The following AGFG1 variants were observed in gnomAD, a reference collection of about 807,000 sequenced individuals.
AGFG1 encodes the protein arf-GAP domain and FG repeat-containing protein 1.
A neutral mutation model predicts 60.6 loss-of-function variants in AGFG1; 10 were observed. The ratio of observed to expected loss-of-function variants is 0.16; its 90% CI spans 0.10 to 0.28. The LOEUF is 0.28. AGFG1 is among the 10% of genes least tolerant of loss of function. The pLI, the probability that AGFG1 is intolerant of heterozygous loss-of-function variation, is 1.00. For missense variants in AGFG1, 537 were observed against 676.5 expected (o/e 0.79, Z 2.29); for synonymous variants, 247 against 242.9 (o/e 1.02, Z -0.16).
At chr2:227,543,028 C>T (rs933956261) in intron 10 of AGFG1, among the ~76,000 whole-genome samples, 1 of 151,988 alleles carries the variant, frequency 6.6e-6, no homozygotes, top group African/African-American at 2.4e-5. Context: ...TTTATTGCAT[C>T]TATTTGATTC....
intron 4 of AGFG1, among the ~76,000 whole-genome samples, chr2:227,524,335 A>G (rs1451107363): frequency 6.6e-6 from 1 of 151,060 alleles, no homozygotes; most frequent in Non-Finnish European, 1.5e-5. Flanking sequence ...GTTTTCCCAC[A>G]TGTGTGATTG....
At chr2:227,526,316 C>G (rs1372995420) in intron 5 of AGFG1, among the ~76,000 whole-genome samples, 1 of 152,072 alleles carries the variant, frequency 6.6e-6, no homozygotes, top group Non-Finnish European at 1.5e-5. Flanking sequence ...ACCTCAGCCT[C>G]CCAGGTAGCT....
At chr2:227,481,644 CTT>C (rs561650125) in intron 1 of AGFG1, among the ~76,000 whole-genome samples, 102 of 152,202 alleles carry the variant, frequency 6.7e-4, no homozygotes, top group African/African-American at 2.4e-3. Flanking sequence ...GGACTCTTCT[CTT>C]GTTCTCTGAC....
chr2:227,506,184 A>G (rs141414365), intron 2 of AGFG1, among the ~76,000 whole-genome samples: 201 of 152,232 alleles, frequency 1.3e-3, no homozygotes, highest in African/African-American at 4.7e-3. Flanking sequence ...TTGTATATGT[A>G]GTGCCTCTGG....
chr2:227,500,881 C>T (rs1291307344), intron 2 of AGFG1, among the ~76,000 whole-genome samples: 1 of 152,092 alleles, frequency 6.6e-6, no homozygotes, highest in Non-Finnish European at 1.5e-5. Flanking sequence ...CAACCACTGC[C>T]TCCCAGGTTC....
At chr2:227,550,511 G>T (rs1239322246) in intron 10 of AGFG1, among the ~76,000 whole-genome samples, 1 of 151,836 alleles carries the variant, frequency 6.6e-6, no homozygotes, top group Non-Finnish European at 1.5e-5. Context: ...AAAGTGATTT[G>T]TCAAAGTTAC....
Position 227,551,950 on chromosome 2 carries a change from TTC to T in AGFG1, c.1379-7_1379-6del. 1 of 1,613,586 alleles carries T rather than the reference TTC, an allele frequency of 6.2e-7. No individual in the cohort carries two copies. Among genetic ancestry groups the T allele is most frequent in the Non-Finnish European group, 8.5e-7 (1 of 1,179,626 alleles). ...TGTATGTAACTGATCAGCCCTTCTCTTCTGTCAGCGGCAACCTTTGGCACTGC... is the reference window on the plus strand; with the variant it reads ...TGTATGTAACTGATCAGCCCTTCTCTTGTCAGCGGCAACCTTTGGCACTGC... On this transcript the variant is annotated splice_region_variant and splice_polypyrimidine_tract_variant and intron_variant, in intron 10 of 12. Coordinates refer to ENST00000310078, the MANE Select transcript of AGFG1 (RefSeq NM_004504.5).
chr2:227,532,132 G>A, intron 6 of AGFG1: 1 of 1,538,048 alleles, frequency 6.5e-7, no homozygotes, highest in Non-Finnish European at 8.8e-7. Flanking sequence ...ATTTCTGGCT[G>A]TCCAGCATTT....
intron 1 of AGFG1, among the ~76,000 whole-genome samples, chr2:227,476,243 C>T (rs1199480243): frequency 6.6e-6 from 1 of 152,154 alleles, no homozygotes; most frequent in Non-Finnish European, 1.5e-5. Context: ...CTTTCACTGT[C>T]TTTCTGGTTG....
intron 5 of AGFG1, 122 bp from the exon 6 acceptor site, chr2:227,530,969 T>C (rs565951137): frequency 1.1e-6 from 1 of 919,876 alleles, no homozygotes; most frequent in East Asian, 2.9e-5. Context: ...GCTAAGTGAA[T>C]TCTCTATAAA....
At chr2:227,552,628 T>C (rs1256690356) in intron 11 of AGFG1, among the ~76,000 whole-genome samples, 1 of 152,030 alleles carries the variant, frequency 6.6e-6, no homozygotes, top group Admixed American at 6.5e-5. Context: ...TTGAAGTGCA[T>C]AGATTTGAAG....
At chr2:227,530,759 ATAACTCAGTACTG>A (rs1428414963) in intron 5 of AGFG1, among the ~76,000 whole-genome samples, 2 of 152,170 alleles carry the variant, frequency 1.3e-5, no homozygotes, top group African/African-American at 4.8e-5. Context: ...CTGCTTTCCT[ATAACTCAGTACTG>A]TAACTCAGTA....
At chr2:227,547,202 T>TCAGGAAGTG (rs1386773376) in intron 10 of AGFG1, among the ~76,000 whole-genome samples, 3 of 152,148 alleles carry the variant, frequency 2.0e-5, no homozygotes, top group African/African-American at 7.2e-5. Context: ...CCTAGCATAC[T>TCAGGAAGTG]CAGGAAGTGA....
intron 5 of AGFG1, among the ~76,000 whole-genome samples, chr2:227,527,612 A>G (rs1053010039): frequency 6.6e-6 from 1 of 152,228 alleles, no homozygotes; most frequent in Non-Finnish European, 1.5e-5. Flanking sequence ...TCTATTTTGG[A>G]TGCCAGTAAG....
rs1395982686 is a variant in AGFG1 at position 227,559,384 on chromosome 2, A to C, written c.*4889A>C. On this transcript the variant is annotated 3_prime_UTR_variant, in exon 13 of 13. Transcript: ENST00000310078. ...CACATCTTAGTCTGATTTTGAAGTC[A>C]GTTGTGTAAGTTTGGGCTGACAGTG... 1 of 152,188 alleles carries C rather than the reference A, an allele frequency of 6.6e-6. No individual in the cohort carries two copies. Among genetic ancestry groups the C allele is most frequent in the Non-Finnish European group, 1.5e-5 (1 of 68,028 alleles). The allele number at this position is 152,188 out of a possible 1,614,324, so 9.4% of individuals were successfully genotyped here.
chr2:227,508,657 T>G (rs1386930030), intron 2 of AGFG1: 2 of 469,322 alleles, frequency 4.3e-6, no homozygotes, highest in Admixed American at 4.7e-5. Flanking sequence ...CAAAGTAAGT[T>G]TAGAACAATT....
At chr2:227,484,835 C>T (rs1234921300) in intron 1 of AGFG1, among the ~76,000 whole-genome samples, 2 of 151,530 alleles carry the variant, frequency 1.3e-5, no homozygotes, top group African/African-American at 4.9e-5. Flanking sequence ...TCCCCAGTAG[C>T]TGGGATTACA....
intron 1 of AGFG1, among the ~76,000 whole-genome samples, chr2:227,485,735 T>G (rs934521444): frequency 6.6e-6 from 1 of 152,220 alleles, no homozygotes; most frequent in Admixed American, 6.5e-5. Context: ...ATTTCCACAT[T>G]TATAATTTTT....
intron 2 of AGFG1, among the ~76,000 whole-genome samples, chr2:227,515,414 A>G (rs1284789732): frequency 2.0e-5 from 3 of 152,164 alleles, no homozygotes; most frequent in Admixed American, 2.0e-4. Flanking sequence ...CAGCTCTCTG[A>G]CCACCACTGA....
Sources: gnomAD v4.1 joint callset for allele counts (sites outside exome capture counted in the v4.1 genomes callset) on GRCh38, gnomAD v4.1.1 for gene constraint, MANE v1.5 for transcripts, NCBI Gene and HGNC (gene_info 2026-07-23, HGNC 2026-07-21) for gene names.